The following CTNNA2 variants were observed in gnomAD, a reference collection of about 807,000 sequenced individuals.
CTNNA2 encodes catenin alpha 2, also known as catenin alpha-2.
CTNNA2 carries 42 observed loss-of-function variants against 101.0 expected under a neutral mutation model. That is an observed-to-expected ratio of 0.42 (90% CI 0.32 to 0.54). The LOEUF (loss-of-function observed/expected upper bound fraction) is 0.54. Among genes scored for constraint, CTNNA2 ranks in the 20% least tolerant of loss-of-function variants. The pLI, the probability that CTNNA2 is intolerant of heterozygous loss-of-function variation, is 0.14. For missense variants in CTNNA2, 871 were observed against 1,223.1 expected (o/e 0.71, Z 4.29); for synonymous variants, 450 against 456.4 (o/e 0.99, Z 0.18).
At chr2:80,299,657 A>C (rs1676067437) in intron 7 of CTNNA2, 1 of 152,252 alleles carries the variant, frequency 6.6e-6, no homozygotes, top group African/African-American at 2.4e-5. Flanking sequence ...GCATAAAACA[A>C]AGCACGATTA....
In CTNNA2 at chr2:80,257,938, A is replaced by T. The variant is rs573834792; in HGVS notation, c.1057-135273A>T. Among the ~76,000 whole-genome samples the T allele has an allele frequency of 2.6e-5, 4 of 152,350 alleles. No homozygotes were observed. The East Asian group carries it at 7.7e-4, about 29-fold the overall frequency. On this transcript the variant is annotated intron_variant, in intron 7 of 18. Transcript: ENST00000402739. ...AAGCATCCCAAGAGTGAGGAATCCT[A>T]TCTGTGGTCAAATTTAAAATTGTCA...
At chr2:79,665,667 G>A (rs1682365289) in intron 2 of CTNNA2, among the ~76,000 whole-genome samples, 1 of 152,102 alleles carries the variant, frequency 6.6e-6, no homozygotes, top group Non-Finnish European at 1.5e-5. Context: ...TTAGCAGAAT[G>A]TCATTTTAAC....
chr2:79,919,886 G>A (rs567474215), intron 7 of CTNNA2, among the ~76,000 whole-genome samples: 1 of 152,182 alleles, frequency 6.6e-6, no homozygotes, highest in African/African-American at 2.4e-5. Flanking sequence ...TGTTTCACTG[G>A]TTGGTGATGT....
intron 9 of CTNNA2, among the ~76,000 whole-genome samples, chr2:80,465,451 A>G (rs1274516816): frequency 6.6e-6 from 1 of 152,178 alleles, no homozygotes; most frequent in African/African-American, 2.4e-5. Flanking sequence ...AACAACGTAA[A>G]TTACTGCAGA....
chr2:80,206,315 G>C (rs1707529885), intron 7 of CTNNA2, among the ~76,000 whole-genome samples: 1 of 152,190 alleles, frequency 6.6e-6, no homozygotes, highest in Non-Finnish European at 1.5e-5. Flanking sequence ...AGGAATCCTT[G>C]ATTTCAGGCA....
At chr2:79,294,359 C>G (rs1675919505) in intron 2 of CTNNA2, among the ~76,000 whole-genome samples, 1 of 152,062 alleles carries the variant, frequency 6.6e-6, no homozygotes, top group African/African-American at 2.4e-5. Context: ...CCTATCATAT[C>G]AGGTCCCCAC....
intron 3 of CTNNA2, among the ~76,000 whole-genome samples, chr2:79,334,093 C>A (rs1363189358): frequency 6.6e-6 from 1 of 152,082 alleles, no homozygotes; most frequent in Non-Finnish European, 1.5e-5. Context: ...TGGGGACGTT[C>A]AAAATCCACT....
chr2:79,732,603 C>T (rs1687275052), intron 2 of CTNNA2, among the ~76,000 whole-genome samples: 1 of 151,936 alleles, frequency 6.6e-6, no homozygotes, highest in Non-Finnish European at 1.5e-5. Context: ...ATACATTATA[C>T]AATATACATA....
At chr2:79,759,281 T>C (rs578031676) in intron 3 of CTNNA2, among the ~76,000 whole-genome samples, 97 of 152,148 alleles carry the variant, frequency 6.4e-4, no homozygotes, top group Non-Finnish European at 1.2e-3. Flanking sequence ...TAATCCCAGC[T>C]ACTAGAGAGG....
At position 79,572,572 on chromosome 2, in the gene CTNNA2, CA is replaced by C. The variant is rs371047069; in HGVS notation, c.-6+59369del. Among the ~76,000 whole-genome samples the C allele has an allele frequency of 3.4e-4, 52 of 152,134 alleles. No individual in the cohort carries two copies. In the South Asian group the frequency reaches 0.011, roughly 32 times the overall value. ...TTTGAGACCAGCCTGGCAAACATGG[CA>C]AAATCCTGTCTCTACTAAAAATACA... On this transcript the variant is annotated intron_variant, in intron 1 of 18. Transcript: ENST00000402739.
intron 4 of CTNNA2, among the ~76,000 whole-genome samples, chr2:79,864,416 G>T (rs1232836732): frequency 6.6e-6 from 1 of 152,178 alleles, no homozygotes; most frequent in Non-Finnish European, 1.5e-5. Context: ...CCAGGTTATG[G>T]ACAGTCTTGG....
rs369214400 is a variant in CTNNA2 at position 79,219,909 on chromosome 2, C to G, written c.-406+21833C>G. ...TTTTGGCACCTGAAATTCATCCTTT[C>G]TTCCTTTGTTCTGCTATTCGAAAGC... is the stretch of plus-strand genomic sequence containing the variant. On this transcript the variant is annotated intron_variant, in intron 2 of 21. Coordinates refer to the CTNNA2 transcript ENST00000466387. Among the ~76,000 whole-genome samples, 17 of 152,306 alleles carry G rather than the reference C, an allele frequency of 1.1e-4. No individual in the cohort carries two copies. The East Asian group carries it at 2.3e-3, about 21-fold the overall frequency.
In CTNNA2 at chr2:80,648,397, T is replaced by C. The variant is rs2149875691; in HGVS notation, c.*525T>C. 1 of 152,762 alleles carries C rather than the reference T, an allele frequency of 6.5e-6. No individual in the cohort carries two copies. The highest frequency in any genetic ancestry group is 6.5e-5 in the Admixed American group (1 of 15,286). The allele number at this position is 152,762 out of a possible 1,614,324, so 9.5% of individuals were successfully genotyped here. On this transcript the variant is annotated 3_prime_UTR_variant, in exon 19 of 19. Coordinates refer to ENST00000402739, the MANE Select transcript of CTNNA2 (RefSeq NM_001282597.3). ...ATATCCGTGATATTATGTCGATTTT[T>C]AACTGAGGGGAAATTAACTAGTCCA...
chr2:80,395,496 C>G (rs1050154066), intron 8 of CTNNA2, among the ~76,000 whole-genome samples: 5 of 152,152 alleles, frequency 3.3e-5, no homozygotes, highest in Non-Finnish European at 7.3e-5. Flanking sequence ...TCTTTGCCTC[C>G]CCATGTACAC....
At chr2:79,665,902 G>A (rs1355816369) in intron 2 of CTNNA2, among the ~76,000 whole-genome samples, 2 of 152,134 alleles carry the variant, frequency 1.3e-5, no homozygotes, top group Non-Finnish European at 2.9e-5. Flanking sequence ...AGCTGTTATT[G>A]TAAATGTACT....
intron 2 of CTNNA2, among the ~76,000 whole-genome samples, chr2:79,286,321 G>A (rs953283831): frequency 9.2e-5 from 14 of 152,232 alleles, no homozygotes; most frequent in East Asian, 3.9e-4. Flanking sequence ...TATTTTGCTC[G>A]TTAGTTCATG....
chr2:80,354,168 C>T (rs1673565502), intron 7 of CTNNA2, among the ~76,000 whole-genome samples: 1 of 152,124 alleles, frequency 6.6e-6, no homozygotes, highest in Admixed American at 6.6e-5. Flanking sequence ...ACTCTAACTT[C>T]AGGAGTACTC....
At chr2:79,417,193 A>G (rs1248802588) in intron 4 of CTNNA2, among the ~76,000 whole-genome samples, 3 of 152,136 alleles carry the variant, frequency 2.0e-5, no homozygotes, top group Non-Finnish European at 4.4e-5. Flanking sequence ...TTCAACTACA[A>G]TTTGGTGTTT....
intron 7 of CTNNA2, among the ~76,000 whole-genome samples, chr2:80,111,462 C>G (rs528475797): frequency 5.3e-5 from 8 of 152,218 alleles, no homozygotes; most frequent in Non-Finnish European, 1.0e-4. Flanking sequence ...CACTTCAGCT[C>G]TCCACATTTA....
Sources: allele counts gnomAD v4.1 joint callset (sites outside exome capture counted in the v4.1 genomes callset), GRCh38; gene constraint gnomAD v4.1.1; transcripts MANE v1.5; gene names NCBI Gene and HGNC (gene_info 2026-07-23, HGNC 2026-07-21).